HYDIN: variants seen among roughly 807,000 people sequenced by gnomAD.
HYDIN encodes the protein HYDIN axonemal central pair apparatus protein, also known as axonemal central pair apparatus protein HYDIN.
In HYDIN, 132 loss-of-function variants were observed where a neutral mutation model predicts 403.9. The observed-to-expected ratio is 0.33, with a 90% CI of 0.28 to 0.38. The LOEUF (loss-of-function observed/expected upper bound fraction) is 0.38. HYDIN is among the 10% of genes least tolerant of loss of function. HYDIN has a pLI of 1.00. For synonymous variants in HYDIN, 1,202 were observed against 1,891.7 expected (o/e 0.64, Z 9.46); for missense variants, 2,827 against 5,009.5 (o/e 0.56, Z 13.15).
intron 1 of HYDIN, among the ~76,000 whole-genome samples, chr16:71,230,165 AATG>A (rs2041217564): frequency 1.3e-5 from 2 of 152,372 alleles, no homozygotes; most frequent in South Asian, 4.1e-4. Flanking sequence ...TTATTAGCAG[AATG>A]ATAACAGATT....
At chr16:70,956,306 G>GA (rs1296164491) in intron 39 of HYDIN, among the ~76,000 whole-genome samples, 1 of 147,522 alleles carries the variant, frequency 6.8e-6, no homozygotes, top group African/African-American at 2.5e-5. Context: ...CAAGAGAAAA[G>GA]AAAAAAAATC....
intron 45 of HYDIN, among the ~76,000 whole-genome samples, chr16:70,928,338 C>T (rs769050788): frequency 1.3e-5 from 2 of 152,120 alleles, no homozygotes; most frequent in African/African-American, 4.8e-5. Flanking sequence ...CGCCTGCAGT[C>T]CCAGCTACTC....
intron 38 of HYDIN, among the ~76,000 whole-genome samples, chr16:70,960,738 C>G (rs1475119311): frequency 3.9e-5 from 6 of 152,206 alleles, no homozygotes; most frequent in African/African-American, 1.4e-4. Flanking sequence ...TGTTGCCAGG[C>G]TACAGTGCAA....
In HYDIN at chr16:71,120,716, C is replaced by T. The variant is rs551649345; in HGVS notation, c.1228-4921G>A. Reference sequence around the variant, plus strand: ...CCTTCGTTTCTCCCTTCCTTCCTTCCTTGAAAGATTATTTCTTACAAATCT... The same window carrying T: ...CCTTCGTTTCTCCCTTCCTTCCTTCTTTGAAAGATTATTTCTTACAAATCT... On this transcript the variant is annotated intron_variant, in intron 9 of 85. Transcript: ENST00000393567. 1.3e-3 allele frequency among the ~76,000 whole-genome samples: 198 copies of T among 151,368 alleles called. 1 individual carries two copies. The highest frequency in any genetic ancestry group is 4.5e-3 in the African/African-American group (186 of 41,242).
At chr16:70,870,438 G>A (rs549984598) in intron 65 of HYDIN, among the ~76,000 whole-genome samples, 55 of 152,172 alleles carry the variant, frequency 3.6e-4, no homozygotes, top group African/African-American at 1.3e-3. Flanking sequence ...CCCCCCTGCT[G>A]TGTGCAGCCT....
chr16:70,886,231 A>G (rs988390084), intron 58 of HYDIN, among the ~76,000 whole-genome samples: 1 of 151,928 alleles, frequency 6.6e-6, no homozygotes, highest in African/African-American at 2.4e-5. Flanking sequence ...GAGTCTATCC[A>G]TGTACATGCA....
intron 1 of HYDIN, among the ~76,000 whole-genome samples, chr16:71,221,330 C>T (rs928643184): frequency 6.6e-6 from 1 of 151,640 alleles, no homozygotes; most frequent in Non-Finnish European, 1.5e-5. Flanking sequence ...AAATTCATAT[C>T]ACCTGTGAGC....
chr16:71,104,344 CA>C (rs58394782), intron 10 of HYDIN, among the ~76,000 whole-genome samples: 4 of 122,428 alleles, frequency 3.3e-5, no homozygotes, highest in East Asian at 5.2e-4. Context: ...ACCCAAAATA[CA>C]AAAAAAAATA....
At chr16:71,128,103 T>A (rs1220476330) in intron 9 of HYDIN, among the ~76,000 whole-genome samples, 1 of 152,004 alleles carries the variant, frequency 6.6e-6, no homozygotes, top group Non-Finnish European at 1.5e-5. Flanking sequence ...CCTGTGAGAC[T>A]CAGGCCCAGG....
chr16:70,817,989 T>C (rs1430968540), intron 84 of HYDIN, among the ~76,000 whole-genome samples: 2 of 152,048 alleles, frequency 1.3e-5, no homozygotes, highest in Non-Finnish European at 2.9e-5. Context: ...TGATCTGCCG[T>C]CCCTGGCCTC....
chr16:71,198,613 C>G (rs2087827429), intron 1 of HYDIN, among the ~76,000 whole-genome samples: 2 of 152,172 alleles, frequency 1.3e-5, no homozygotes, highest in African/African-American at 4.8e-5. Flanking sequence ...TCATATTATT[C>G]CAGGGTATAA....
At chr16:70,828,523 T>G in intron 81 of HYDIN, 94 bp from the exon 82 acceptor site, 1 of 602,590 alleles carries the variant, frequency 1.7e-6, no homozygotes, top group Non-Finnish European at 3.0e-6. Flanking sequence ...TGGAGGATAA[T>G]GGAGGCTCTG....
intron 66 of HYDIN, 128 bp downstream of exon 66, chr16:70,868,442 A>C: frequency 1.4e-6 from 2 of 1,405,212 alleles, no homozygotes; most frequent in Non-Finnish European, 1.9e-6. Context: ...TCACTTTTGG[A>C]GTCAAGGTCA....
chr16:71,017,425 C>T (rs1310789597), intron 23 of HYDIN, among the ~76,000 whole-genome samples: 2 of 151,838 alleles, frequency 1.3e-5, no homozygotes, highest in Non-Finnish European at 2.9e-5. Context: ...GAAAGATATG[C>T]CTTGCTTCCC....
intron 7 of HYDIN, among the ~76,000 whole-genome samples, chr16:71,150,771 A>G (rs928657365): frequency 1.3e-5 from 2 of 152,230 alleles, no homozygotes; most frequent in African/African-American, 2.4e-5. Flanking sequence ...ATGAAAAGGC[A>G]AGCTACAGAC....
intron 9 of HYDIN, among the ~76,000 whole-genome samples, 182 bp from the exon 10 acceptor site, chr16:71,115,977 C>T (rs2084010766): frequency 6.6e-6 from 1 of 152,008 alleles, no homozygotes; most frequent in South Asian, 2.1e-4. Flanking sequence ...AGGAAATCAA[C>T]ACATCTATCT....
intron 12 of HYDIN, chr16:71,080,405 C>CAA (rs775100091): frequency 6.6e-6 from 1 of 152,340 alleles, no homozygotes; most frequent in Non-Finnish European, 1.5e-5. Flanking sequence ...TCCACTCTTA[C>CAA]CACTGTGACA....
At chr16:71,171,015 T>C (rs1465949226) in intron 5 of HYDIN, among the ~76,000 whole-genome samples, 1 of 152,172 alleles carries the variant, frequency 6.6e-6, no homozygotes, top group African/African-American at 2.4e-5. Context: ...TGAAGTACTT[T>C]ATGGTGGCTT....
chr16:70,867,956 A>G (rs1165227972), intron 66 of HYDIN, among the ~76,000 whole-genome samples: 1 of 152,158 alleles, frequency 6.6e-6, no homozygotes, highest in Non-Finnish European at 1.5e-5. Flanking sequence ...GGCATGAGCC[A>G]CTGTGCCTGG....
Sources: allele counts gnomAD v4.1 joint callset (sites outside exome capture counted in the v4.1 genomes callset), GRCh38; gene constraint gnomAD v4.1.1; transcripts MANE v1.5; gene names NCBI Gene and HGNC (gene_info 2026-07-23, HGNC 2026-07-21).